Variants in GPC5 observed in about 807,000 individuals in gnomAD.
The protein encoded by GPC5 is glypican 5, also known as glypican-5.
In GPC5, 47 loss-of-function variants were observed where a neutral mutation model predicts 53.9. The ratio of observed to expected loss-of-function variants is 0.87; its 90% confidence interval spans 0.69 to 1.11. GPC5 has a LOEUF of 1.11. Ranked by LOEUF, GPC5 falls within the 50% of genes most tolerant of loss-of-function variation. The pLI is 0.00. For missense variants in GPC5, 748 were observed against 713.1 expected (o/e 1.05, Z -0.56); for synonymous variants, 286 against 263.3 (o/e 1.09, Z -0.84).
At chr13:91,412,261 C>T (rs1877857746) in intron 1 of GPC5, among the ~76,000 whole-genome samples, 1 of 152,238 alleles carries the variant, frequency 6.6e-6, no homozygotes, top group Admixed American at 6.5e-5. Context: ...GGCTGAATTG[C>T]TCAATCAGCC....
chr13:92,366,024 T>C (rs1012961373), intron 7 of GPC5, among the ~76,000 whole-genome samples: 3 of 151,720 alleles, frequency 2.0e-5, no homozygotes, highest in Non-Finnish European at 1.5e-5. Flanking sequence ...GTATGTGCTA[T>C]AGTTCTATAC....
intron 7 of GPC5, among the ~76,000 whole-genome samples, chr13:92,788,206 A>G (rs147260264): frequency 3.9e-5 from 6 of 152,308 alleles, no homozygotes; most frequent in African/African-American, 1.4e-4. Context: ...AAGATTTACA[A>G]GAAATAGGAA....
intron 7 of GPC5, among the ~76,000 whole-genome samples, chr13:92,751,937 A>G (rs1889415431): frequency 6.6e-6 from 1 of 152,028 alleles, no homozygotes; most frequent in African/African-American, 2.4e-5. Context: ...ACTCGTTTTC[A>G]GTTACTTTGT....
At chr13:92,177,870 T>C (rs2042119682) in intron 7 of GPC5, among the ~76,000 whole-genome samples, 1 of 152,222 alleles carries the variant, frequency 6.6e-6, no homozygotes, top group South Asian at 2.1e-4. Flanking sequence ...CCATTATTTT[T>C]CTATTTTCTT....
At chr13:91,565,022 C>T (rs2031467018) in intron 2 of GPC5, among the ~76,000 whole-genome samples, 1 of 151,190 alleles carries the variant, frequency 6.6e-6, no homozygotes, top group Non-Finnish European at 1.5e-5. Context: ...CAGAGTCTCG[C>T]TCTGTCACCC....
chr13:92,190,843 A>G (rs146631337), intron 7 of GPC5, among the ~76,000 whole-genome samples: 2 of 152,274 alleles, frequency 1.3e-5, no homozygotes, highest in East Asian at 3.9e-4. Context: ...ATTATAACAA[A>G]TACGGTAGGT....
chr13:91,686,844 A>G (rs1406843069), intron 2 of GPC5, among the ~76,000 whole-genome samples: 1 of 152,002 alleles, frequency 6.6e-6, no homozygotes, highest in Non-Finnish European at 1.5e-5. Context: ...GTAATGAATT[A>G]TCCATTGCAA....
intron 2 of GPC5, among the ~76,000 whole-genome samples, chr13:91,497,063 C>T (rs1015585823): frequency 1.3e-5 from 2 of 151,666 alleles, no homozygotes; most frequent in Non-Finnish European, 2.9e-5. Context: ...TTTTTCCTGT[C>T]CTCTAAGTTG....
intron 2 of GPC5, among the ~76,000 whole-genome samples, chr13:91,475,117 T>TC (rs1882856581): frequency 6.6e-6 from 1 of 152,248 alleles, no homozygotes; most frequent in South Asian, 2.1e-4. Context: ...TATCTTTTTT[T>TC]CCCTAATTAT....
rs577234320 is a variant in GPC5, at chr13:91,919,380, T to C, written c.1401+11323T>C. On this transcript the variant is annotated intron_variant, in intron 6 of 7. Transcript: ENST00000377067. ...AACCACACATTGCTGTCAAATACTATTGCCAAAGTAAAGTCACTAGTTATC... is the reference window on the plus strand; with the variant it reads ...AACCACACATTGCTGTCAAATACTACTGCCAAAGTAAAGTCACTAGTTATC... 2.0e-5 allele frequency among the ~76,000 whole-genome samples: 3 copies of C among 152,350 alleles called. No homozygotes were observed. The East Asian group carries it at 5.8e-4, about 29-fold the overall frequency.
At chr13:92,070,931 C>A (rs1050087248) in intron 6 of GPC5, among the ~76,000 whole-genome samples, 2 of 152,054 alleles carry the variant, frequency 1.3e-5, no homozygotes, top group African/African-American at 4.8e-5. Flanking sequence ...CATTATAGAA[C>A]TTTACAGATG....
At chr13:91,593,095 C>T (rs2065854) in intron 2 of GPC5, among the ~76,000 whole-genome samples, 129,920 of 152,192 alleles carry the variant, frequency 0.85, 57,328 homozygotes, top group Non-Finnish European at 0.96. Flanking sequence ...ATGGGGGATG[C>T]GAGGCTTTCT....
At chr13:91,809,786 A>G (rs981850238) in intron 5 of GPC5, among the ~76,000 whole-genome samples, 1 of 152,070 alleles carries the variant, frequency 6.6e-6, no homozygotes, top group African/African-American at 2.4e-5. Context: ...ACAAAATTTT[A>G]AATATATATG....
intron 2 of GPC5, among the ~76,000 whole-genome samples, chr13:91,619,826 T>C (rs2033803799): frequency 6.6e-6 from 1 of 152,142 alleles, no homozygotes; most frequent in African/African-American, 2.4e-5. Context: ...GTGGTGTGTA[T>C]TTAAATGTGT....
chr13:91,415,906 T>G (rs1304232677), intron 1 of GPC5, among the ~76,000 whole-genome samples: 5 of 152,178 alleles, frequency 3.3e-5, no homozygotes, highest in Non-Finnish European at 7.4e-5. Context: ...TTTATAGCAT[T>G]TTATCACATT....
chr13:92,608,911 A>T (rs1460106451), intron 7 of GPC5, among the ~76,000 whole-genome samples: 1 of 152,160 alleles, frequency 6.6e-6, no homozygotes, highest in Non-Finnish European at 1.5e-5. Context: ...AACCTAACTT[A>T]TGCCTCTGTG....
chr13:92,614,530 A>G (rs988873181), intron 7 of GPC5, among the ~76,000 whole-genome samples: 17 of 152,358 alleles, frequency 1.1e-4, no homozygotes, highest in African/African-American at 4.8e-5. Flanking sequence ...GTTGGAGATC[A>G]TCTGTATTGA....
chr13:91,706,084 T>C (rs973194119), intron 3 of GPC5, among the ~76,000 whole-genome samples: 1 of 152,094 alleles, frequency 6.6e-6, no homozygotes, highest in Non-Finnish European at 1.5e-5. Flanking sequence ...TTTCACCATG[T>C]TGGCCAGGAT....
intron 6 of GPC5, among the ~76,000 whole-genome samples, chr13:91,974,808 C>T (rs1346552319): frequency 6.6e-6 from 1 of 152,070 alleles, no homozygotes; most frequent in Admixed American, 6.5e-5. Context: ...GCCCACAATG[C>T]CAAGACAATC....
Sources: gnomAD v4.1 joint callset for allele counts (sites outside exome capture counted in the v4.1 genomes callset) on GRCh38, gnomAD v4.1.1 for gene constraint, MANE v1.5 for transcripts, NCBI Gene and HGNC (gene_info 2026-07-23, HGNC 2026-07-21) for gene names.